RAPGEF4: variants seen among roughly 807,000 people sequenced by gnomAD.
The protein encoded by RAPGEF4 is RAP guanine-nucleotide-exchange factor (GEF) 4.
A neutral mutation model predicts 147.9 loss-of-function variants in RAPGEF4; 66 were observed. The observed-to-expected ratio is 0.45, with a 90% CI of 0.37 to 0.55. The LOEUF is 0.55. Ranked by LOEUF, RAPGEF4 falls within the 20% of genes least tolerant of loss-of-function variation. The probability of loss-of-function intolerance (pLI) is 0.00; values close to 1 mark genes in which losing one functional copy is unlikely to be tolerated. For synonymous variants in RAPGEF4, 419 were observed against 442.7 expected, an observed-to-expected ratio of 0.95 and a Z score of 0.67; for missense variants, 1,071 against 1,257.3, an observed-to-expected ratio of 0.85 and a Z score of 2.24.
chr2:172,825,957 A>G (rs747695620), intron 4 of RAPGEF4, among the ~76,000 whole-genome samples: 6 of 152,216 alleles, frequency 3.9e-5, no homozygotes, highest in Non-Finnish European at 5.9e-5. Flanking sequence ...TTACAAATCC[A>G]TATCTTGCCT....
intron 15 of RAPGEF4, among the ~76,000 whole-genome samples, chr2:172,995,589 C>T (rs562341114): frequency 1.3e-5 from 2 of 152,148 alleles, no homozygotes; most frequent in Non-Finnish European, 2.9e-5. Context: ...CCCTACTTGC[C>T]TGTTATTTTT....
At position 172,983,558 on chromosome 2, in the gene RAPGEF4, C is replaced by T. The variant is rs759214341; in HGVS notation, c.1067C>T (p.Ala356Val). 6.2e-7 allele frequency: 1 copy of T among 1,613,568 alleles called. No individual in the cohort carries two copies. The highest frequency in any genetic ancestry group is 1.7e-5 in the Admixed American group (1 of 59,940). The change falls in exon 11 of 31, where the codon GCC becomes GTC. Residue 356 changes from alanine to valine, a missense_variant. Coordinates refer to ENST00000397081, the MANE Select transcript of RAPGEF4 (RefSeq NM_007023.4). ...IIYEELLHIKALSHLSTTVKR... is the reference protein window; with the variant it reads ...IIYEELLHIKVLSHLSTTVKR... ...TATGAGGAGCTTCTTCATATTAAAG[C>T]CTTATCCCATCTTTCTACCACAGTA... is the stretch of plus-strand genomic sequence containing the variant.
chr2:172,843,587 C>T (rs1039813452), intron 4 of RAPGEF4, among the ~76,000 whole-genome samples: 1 of 152,178 alleles, frequency 6.6e-6, no homozygotes, highest in African/African-American at 2.4e-5. Context: ...TAAACTGTTT[C>T]AAAAGATGAA....
intron 4 of RAPGEF4, among the ~76,000 whole-genome samples, chr2:172,886,837 TG>T (rs1434087961): frequency 6.6e-6 from 1 of 152,156 alleles, no homozygotes; most frequent in Non-Finnish European, 1.5e-5. Flanking sequence ...GACTCTTGCT[TG>T]TTTGAAAAGA....
intron 6 of RAPGEF4, among the ~76,000 whole-genome samples, chr2:172,942,027 A>T (rs965229980): frequency 1.3e-5 from 2 of 151,898 alleles, no homozygotes; most frequent in Non-Finnish European, 2.9e-5. Flanking sequence ...AGTTTAACTG[A>T]CAAATAATAA....
At chr2:172,925,777 AAGAGAG>A (rs67773579) in intron 6 of RAPGEF4, among the ~76,000 whole-genome samples, 1,520 of 133,852 alleles carry the variant, frequency 0.011, 28 homozygotes, top group African/African-American at 0.037. Context: ...GAAAGAAAGA[AAGAGAG>A]AGAGAGAGAG....
chr2:172,901,993 G>A (rs572230398), intron 4 of RAPGEF4, among the ~76,000 whole-genome samples: 1 of 152,306 alleles, frequency 6.6e-6, no homozygotes, highest in East Asian at 1.9e-4. Context: ...GGGGAGTCAT[G>A]AGGACTGGGG....
At chr2:172,782,695 A>G (rs1358113528) in intron 1 of RAPGEF4, among the ~76,000 whole-genome samples, 1 of 152,274 alleles carries the variant, frequency 6.6e-6, no homozygotes, top group East Asian at 1.9e-4. Context: ...AAAGCATTTT[A>G]AAGAAGCCTC....
chr2:172,994,422 C>T (rs546428325), intron 15 of RAPGEF4, among the ~76,000 whole-genome samples: 1 of 152,346 alleles, frequency 6.6e-6, no homozygotes, highest in African/African-American at 2.4e-5. Flanking sequence ...ACACCTGGCT[C>T]ATGTCAGAGG....
chr2:172,813,931 G>A (rs1001125391), intron 3 of RAPGEF4, among the ~76,000 whole-genome samples: 3 of 152,172 alleles, frequency 2.0e-5, no homozygotes, highest in African/African-American at 7.2e-5. Context: ...GAATCTTACA[G>A]ACATTATGTT....
At chr2:173,034,816 T>A (rs1472051212) in intron 27 of RAPGEF4, among the ~76,000 whole-genome samples, 1 of 150,834 alleles carries the variant, frequency 6.6e-6, no homozygotes, top group African/African-American at 2.4e-5. Flanking sequence ...GCGGCTACAG[T>A]GAGTAGTGAC....
At chr2:172,788,112 T>C (rs1318057918) in intron 1 of RAPGEF4, among the ~76,000 whole-genome samples, 1 of 152,194 alleles carries the variant, frequency 6.6e-6, no homozygotes, top group Non-Finnish European at 1.5e-5. Context: ...GGGTCTCTTA[T>C]AATAGCACTA....
At chr2:172,873,848 C>A (rs1276294732) in intron 4 of RAPGEF4, among the ~76,000 whole-genome samples, 2 of 152,160 alleles carry the variant, frequency 1.3e-5, no homozygotes, top group Non-Finnish European at 2.9e-5. Flanking sequence ...ACCAAATTTA[C>A]AAGAAGAAAA....
intron 1 of RAPGEF4, among the ~76,000 whole-genome samples, chr2:172,781,813 A>G (rs1292281404): frequency 2.0e-5 from 3 of 152,222 alleles, no homozygotes; most frequent in Admixed American, 6.5e-5. Context: ...ACTTAATACA[A>G]TGTAAACAGG....
chr2:172,744,410 A>G (rs1243370860), intron 1 of RAPGEF4: 1 of 456,430 alleles, frequency 2.2e-6, no homozygotes, highest in East Asian at 7.0e-5. Flanking sequence ...GCCTACAGTA[A>G]TGGCTATGTT....
At chr2:172,833,264 T>G (rs545202923) in intron 4 of RAPGEF4, among the ~76,000 whole-genome samples, 1 of 150,576 alleles carries the variant, frequency 6.6e-6, no homozygotes, top group African/African-American at 2.4e-5. Flanking sequence ...GTTTGGGTTT[T>G]TTTTTTTTTT....
chr2:172,907,980 C>T (rs1417700865), intron 4 of RAPGEF4, among the ~76,000 whole-genome samples: 1 of 152,190 alleles, frequency 6.6e-6, no homozygotes, highest in Non-Finnish European at 1.5e-5. Context: ...AACTGACCCA[C>T]GTTCACACAA....
chr2:172,920,488 C>T (rs562212199), intron 5 of RAPGEF4, among the ~76,000 whole-genome samples: 14 of 152,252 alleles, frequency 9.2e-5, no homozygotes, highest in Non-Finnish European at 1.6e-4. Flanking sequence ...ATGTCTTAAA[C>T]GTCTTTTAAT....
At chr2:172,847,812 T>TAC (rs1232071445) in intron 4 of RAPGEF4, among the ~76,000 whole-genome samples, 2 of 152,246 alleles carry the variant, frequency 1.3e-5, no homozygotes, top group Admixed American at 1.3e-4. Context: ...AGGTGTAATC[T>TAC]ACTTTAATAG....
Sources: allele counts gnomAD v4.1 joint callset (sites outside exome capture counted in the v4.1 genomes callset), GRCh38; gene constraint gnomAD v4.1.1; transcripts MANE v1.5; gene names NCBI Gene and HGNC (gene_info 2026-07-23, HGNC 2026-07-21).